The following MAGEB5 variants were observed in gnomAD, a reference collection of about 807,000 sequenced individuals.
The protein encoded by MAGEB5 is melanoma-associated antigen B5.
For synonymous variants in MAGEB5, 70 were observed against 75.0 expected, an observed-to-expected ratio of 0.93 and a Z score of 0.34; for missense variants, 189 against 197.1, an observed-to-expected ratio of 0.96 and a Z score of 0.25.
chrX:26,216,681 T>C (rs1284004419), intron 1 of MAGEB5, among the ~76,000 whole-genome samples: 1 of 112,145 alleles, frequency 8.9e-6, no homozygotes, highest in Non-Finnish European at 1.9e-5. Context: ...ATCCTTCTTA[T>C]GGGTCCCAGG....
chrX:26,217,511 C>A lies in MAGEB5; in HGVS notation c.210C>A (p.Val70=). Residue 70 remains valine (V), a synonymous_variant, in exon 2 of 2, where the codon GTC becomes GTA. Coordinates refer to ENST00000602297, the MANE Select transcript of MAGEB5 (RefSeq NM_001271752.1). ...TGAAGGAAGATATGCTGAAGATTGT[C>A]AACCCAAGATACCAAAACCAGTTTG... is the stretch of plus-strand genomic sequence containing the variant. ...RILKEDMLKI[V]NPRYQNQFAE... The A allele has an allele frequency of 1.7e-6, 2 of 1,166,036 alleles. No homozygotes were observed. Among genetic ancestry groups the A allele is most frequent in the Non-Finnish European group, 2.3e-6 (2 of 872,647 alleles).
At position 26,217,872 on chromosome X, in the gene MAGEB5, C is replaced by G; in HGVS notation, c.571C>G (p.Gln191Glu). The G allele has an allele frequency of 1.7e-6, 2 of 1,194,916 alleles. No homozygotes were observed. The highest frequency in any genetic ancestry group is 2.3e-6 in the Non-Finnish European group (2 of 886,717). ...GAGGCTAACGTACCTGGAGTACCAC[C>G]AGGTGCCCTGCAGTTATCCTGCACA... ...FVRLTYLEYH[Q>E]VPCSYPAHYQ... The change falls in exon 2 of 2, where the codon CAG becomes GAG. Residue 191 changes from glutamine to glutamate, a missense_variant. Transcript: ENST00000602297.
Position 26,217,625 on chromosome X carries a change from CCTTGTCAGCAAGCTGAAA to C in MAGEB5, c.327_344del (p.Val110_Leu115del). On this transcript the variant is annotated inframe_deletion, in exon 2 of 2. Transcript: ENST00000602297. The stretch of plus-strand genomic sequence containing the variant: ...TCAACCCAACTTGTCACTTATATGA[CCTTGTCAGCAAGCTGAAA>C]CTCCCCAACAATGGGAGGATTCATG... The C allele has an allele frequency of 1.7e-6, 2 of 1,166,677 alleles. No individual in the cohort carries two copies. The highest frequency in any genetic ancestry group is 2.3e-6 in the Non-Finnish European group (2 of 872,922).
chrX:26,217,890 C>T lies in MAGEB5; in HGVS notation c.589C>T (p.Pro197Ser). ...GTACCACCAGGTGCCCTGCAGTTAT[C>T]CTGCACACTATCAATTCCTTTGGGG... ...LEYHQVPCSY[P>S]AHYQFLWGPR... is the part of the protein sequence containing the mutation. The change falls in exon 2 of 2, where the codon CCT becomes TCT. Residue 197 changes from proline (P) to serine (S), a missense_variant. Pro to Ser is a moderately conservative substitution (Grantham distance 74). Transcript: ENST00000602297. 1 of 1,201,021 alleles carries T rather than the reference C, an allele frequency of 8.3e-7. No individual in the cohort carries two copies. The highest frequency in any genetic ancestry group is 1.8e-5 in the South Asian group (1 of 55,352).
In MAGEB5 at chrX:26,218,179, G is replaced by A; in HGVS notation, c.*50G>A. The A allele has an allele frequency of 9.3e-6, 8 of 860,741 alleles. No individual in the cohort carries two copies. Among genetic ancestry groups the A allele is most frequent in the South Asian group, 4.4e-5 (1 of 22,956 alleles). 70.9% of individuals were successfully genotyped at this position (860,741 alleles called of 1,213,427 possible). On this transcript the variant is annotated 3_prime_UTR_variant, in exon 2 of 2. Transcript: ENST00000602297. ...CAAGCAAATATAACATCACCAAAAGGGATTTTTTTTGGAAATACAAAAGAA... is the reference window on the plus strand; with the variant it reads ...CAAGCAAATATAACATCACCAAAAGAGATTTTTTTTGGAAATACAAAAGAA...
chrX:26,217,998 T>C lies in MAGEB5; in HGVS notation c.697T>C (p.Ser233Pro), dbSNP rs770002313. The stretch of plus-strand genomic sequence containing the variant: ...CAATGATATTGCTCCAGGTGCCTTC[T>C]CATCACAATATGAAGAGGCTTTGCA... ...KVNDIAPGAF[S>P]SQYEEALQDE... Residue 233 changes from serine (S) to proline (P), a missense_variant, in exon 2 of 2, where the codon TCA (serine) becomes CCA (proline). Transcript: ENST00000602297. 1.3e-5 allele frequency: 15 copies of C among 1,191,547 alleles called. No individual in the cohort carries two copies. The highest frequency in any genetic ancestry group is 8.8e-5 in the African/African-American group (5 of 56,736).
Position 26,217,338 on chromosome X carries a change from G to A in MAGEB5, c.37G>A (p.Glu13Lys), listed in dbSNP as rs188995747. 6 of 1,156,855 alleles carry A rather than the reference G, an allele frequency of 5.2e-6. No homozygotes were observed. The highest frequency in any genetic ancestry group is 3.3e-5 in the East Asian group (1 of 30,634). Residue 13 changes from glutamate to lysine, a missense_variant, in exon 2 of 2, where the codon GAA becomes AAA. Transcript: ENST00000602297. Reference protein sequence around the residue: ...SAGVFNAGSDERANSRDEEYP... With the variant: ...SAGVFNAGSDKRANSRDEEYP... ...AGGTGTTTTTAATGCAGGATCTGAC[G>A]AAAGGGCTAACAGTAGAGATGAGGA...
At chrX:26,216,468 C>A (rs1929451962) in intron 1 of MAGEB5, among the ~76,000 whole-genome samples, 1 of 111,675 alleles carries the variant, frequency 9.0e-6, no homozygotes. Context: ...TATGTCAGGT[C>A]TATGGGAGGT....
rs1404091996 is a variant in MAGEB5, at chrX:26,217,764, T to C, written c.463T>C (p.Phe155Leu). Reference sequence around the variant, plus strand: ...TGCCAACAAGGAAGATACCTGGAAATTTCTGGATATGATGCAAATATATGA... The same window carrying C: ...TGCCAACAAGGAAGATACCTGGAAACTTCTGGATATGATGCAAATATATGA... ...NCANKEDTWK[F>L]LDMMQIYDGK... The change falls in exon 2 of 2, where the codon TTT becomes CTT. Residue 155 changes from phenylalanine (F) to leucine (L), a missense_variant. Coordinates refer to ENST00000602297, the MANE Select transcript of MAGEB5 (RefSeq NM_001271752.1). 1 of 1,166,817 alleles carries C rather than the reference T, an allele frequency of 8.6e-7. No individual in the cohort carries two copies. Among genetic ancestry groups the C allele is most frequent in the Admixed American group, 2.6e-5 (1 of 38,710 alleles).
chrX:26,216,829 C>T (rs1261643321), intron 1 of MAGEB5, among the ~76,000 whole-genome samples: 3 of 112,404 alleles, frequency 2.7e-5, no homozygotes, highest in Non-Finnish European at 3.8e-5. Context: ...ATGCCTGAGG[C>T]AGGGCTGCCA....
Position 26,217,620 on chromosome X carries a change from T to G in MAGEB5, c.319T>G (p.Tyr107Asp). The change falls in exon 2 of 2, where the codon TAT (tyrosine) becomes GAT (aspartate). Residue 107 changes from tyrosine to aspartate, a missense_variant. By Grantham distance (160) the Tyr-to-Asp change is radical. Transcript: ENST00000602297. ...GGAAGTCAACCCAACTTGTCACTTATATGACCTTGTCAGCAAGCTGAAACT... is the reference window on the plus strand; with the variant it reads ...GGAAGTCAACCCAACTTGTCACTTAGATGACCTTGTCAGCAAGCTGAAACT... Reference protein sequence around the residue: ...LKEVNPTCHLYDLVSKLKLPN... With the variant: ...LKEVNPTCHLDDLVSKLKLPN... 1 of 1,166,894 alleles carries G rather than the reference T, an allele frequency of 8.6e-7. No homozygotes were observed. Among genetic ancestry groups the G allele is most frequent in the Non-Finnish European group, 1.1e-6 (1 of 873,038 alleles).
At position 26,217,914 on chromosome X, in the gene MAGEB5, G is replaced by T; in HGVS notation, c.613G>T (p.Gly205Cys). Residue 205 changes from glycine to cysteine, a missense_variant, in exon 2 of 2, where the codon GGT becomes TGT. Gly to Cys is a radical substitution (Grantham distance 159). Transcript: ENST00000602297. ...SYPAHYQFLWGPRAYTETSKM... is the reference protein window; with the variant it reads ...SYPAHYQFLWCPRAYTETSKM... ...TCCTGCACACTATCAATTCCTTTGG[G>T]GTCCAAGAGCCTATACTGAAACCAG... The T allele has an allele frequency of 1.7e-6, 2 of 1,207,203 alleles. No individual in the cohort carries two copies. Among genetic ancestry groups the T allele is most frequent in the Non-Finnish European group, 2.2e-6 (2 of 893,168 alleles).
intron 1 of MAGEB5, 85 bp from the exon 2 acceptor site, chrX:26,217,000 G>A (rs985459995): frequency 1.8e-5 from 5 of 280,744 alleles, no homozygotes; most frequent in African/African-American, 2.7e-5. Context: ...CGTTGAAGGT[G>A]CACAGACCCT....
rs1469891993 is a variant in MAGEB5 at position 26,217,239 on chromosome X, C to T, written c.-63C>T. ...TTCCTCTCCTATTCTTGGGGATATTCCCCAGAGCTCATCTGCTGCTGAGTC... is the reference window on the plus strand; with the variant it reads ...TTCCTCTCCTATTCTTGGGGATATTTCCCAGAGCTCATCTGCTGCTGAGTC... On this transcript the variant is annotated 5_prime_UTR_variant, in exon 2 of 2. Transcript: ENST00000602297. 3 of 830,403 alleles carry T rather than the reference C, an allele frequency of 3.6e-6. No homozygotes were observed. Among genetic ancestry groups the T allele is most frequent in the Non-Finnish European group, 5.0e-6 (3 of 596,197 alleles). 68.4% of individuals were successfully genotyped at this position (830,403 alleles called of 1,213,427 possible).
Position 26,217,862 on chromosome X carries a change from G to T in MAGEB5, c.561G>T (p.Leu187=). ...AGGATTTCGTGAGGCTAACGTACCT[G>T]GAGTACCACCAGGTGCCCTGCAGTT... ...ITQDFVRLTY[L]EYHQVPCSYP... is the part of the protein sequence containing the mutation. The change falls in exon 2 of 2, where the codon CTG becomes CTT. Residue 187 remains leucine (L), a synonymous_variant. Transcript: ENST00000602297. 8.4e-7 allele frequency: 1 copy of T among 1,191,581 alleles called. No individual in the cohort carries two copies.
rs930123931 is a variant in MAGEB5, at chrX:26,217,705, C to A, written c.404C>A (p.Thr135Asn). 2.6e-6 allele frequency: 3 copies of A among 1,165,217 alleles called. No homozygotes were observed. Among genetic ancestry groups the A allele is most frequent in the Non-Finnish European group, 2.3e-6 (2 of 872,732 alleles). ...TTACCCAAGACTGGTCTCCTCATGA[C>A]TTTCCTGGTTGTGATCTTCCTGAAA... is the stretch of plus-strand genomic sequence containing the variant. ...KVLPKTGLLM[T>N]FLVVIFLKGN... The change falls in exon 2 of 2, where the codon ACT (threonine) becomes AAT (asparagine). Residue 135 changes from threonine to asparagine, a missense_variant. By Grantham distance (65) the Thr-to-Asn change is moderately conservative (BLOSUM62 0). Transcript: ENST00000602297.
intron 1 of MAGEB5, among the ~76,000 whole-genome samples, chrX:26,216,405 G>A (rs1160320356): frequency 8.9e-6 from 1 of 112,017 alleles, no homozygotes; most frequent in Non-Finnish European, 1.9e-5. Context: ...CCTGGTTTCA[G>A]TACTTGAAGG....
Position 26,217,930 on chromosome X carries a change from C to T in MAGEB5, c.629C>T (p.Thr210Ile). ...TTCCTTTGGGGTCCAAGAGCCTATACTGAAACCAGCAAGATGAAAGTCCTG... is the reference window on the plus strand; with the variant it reads ...TTCCTTTGGGGTCCAAGAGCCTATATTGAAACCAGCAAGATGAAAGTCCTG... ...YQFLWGPRAY[T>I]ETSKMKVLEY... The change falls in exon 2 of 2, where the codon ACT becomes ATT. Residue 210 changes from threonine to isoleucine, a missense_variant. Thr to Ile is a moderately conservative substitution (Grantham distance 89, BLOSUM62 -1). Coordinates refer to ENST00000602297, the MANE Select transcript of MAGEB5 (RefSeq NM_001271752.1). 1 of 1,208,157 alleles carries T rather than the reference C, an allele frequency of 8.3e-7. No individual in the cohort carries two copies. Among genetic ancestry groups the T allele is most frequent in the South Asian group, 1.8e-5 (1 of 56,285 alleles).
chrX:26,218,064 T>G lies in MAGEB5; in HGVS notation c.763T>G (p.Trp255Gly). Reference sequence around the variant, plus strand: ...CCCAAGCCAGAGATGCAGCCGAAACTGGCACTACTGCAGTGGCCAAGACTG... The same window carrying G: ...CCCAAGCCAGAGATGCAGCCGAAACGGGCACTACTGCAGTGGCCAAGACTG... Reference protein sequence around the residue: ...ESPSQRCSRNWHYCSGQDCLR... With the variant: ...ESPSQRCSRNGHYCSGQDCLR... The change falls in exon 2 of 2, where the codon TGG becomes GGG. Residue 255 changes from tryptophan (W) to glycine (G), a missense_variant. Trp to Gly is a radical substitution (Grantham distance 184). Transcript: ENST00000602297. The G allele has an allele frequency of 8.6e-7, 1 of 1,169,379 alleles. No homozygotes were observed. Among genetic ancestry groups the G allele is most frequent in the African/African-American group, 1.8e-5 (1 of 56,459 alleles).
Sources: gnomAD v4.1 joint callset for allele counts (sites outside exome capture counted in the v4.1 genomes callset) on GRCh38, gnomAD v4.1.1 for gene constraint, MANE v1.5 for transcripts, NCBI Gene and HGNC (gene_info 2026-07-23, HGNC 2026-07-21) for gene names.